Variants in TCF4 observed in about 807,000 individuals in gnomAD.
TCF4 encodes SL3-3 enhancer factor 2.
A neutral mutation model predicts 82.1 loss-of-function variants in TCF4; 3 were observed. That is an observed-to-expected ratio of 0.04 (90% CI 0.02 to 0.09). The LOEUF is 0.09. TCF4 is among the 10% of genes least tolerant of loss of function. The probability of loss-of-function intolerance (pLI) is 1.00; values close to 1 mark genes in which losing one functional copy is unlikely to be tolerated. For missense variants in TCF4, 518 were observed against 852.7 expected (o/e 0.61, Z 4.89); for synonymous variants, 276 against 309.6 (o/e 0.89, Z 1.14).
intron 8 of TCF4, among the ~76,000 whole-genome samples, chr18:55,319,248 G>A (rs574956374): frequency 6.6e-6 from 1 of 152,074 alleles, no homozygotes; most frequent in African/African-American, 2.4e-5. Flanking sequence ...AACAATTAAC[G>A]CATGGTATAT....
At chr18:55,257,800 C>T (rs1873566429) in intron 13 of TCF4, among the ~76,000 whole-genome samples, 3 of 152,100 alleles carry the variant, frequency 2.0e-5, no homozygotes, top group South Asian at 2.1e-4. Context: ...ACAGCTTTGC[C>T]ACTTGTTTTT....
chr18:55,495,544 T>C (rs1473304443), intron 3 of TCF4: 1 of 152,150 alleles, frequency 6.6e-6, no homozygotes, highest in African/African-American at 2.4e-5. Flanking sequence ...AGTTTAGTTA[T>C]TAAAAGAAAA....
chr18:55,506,908 G>C (rs528335525), intron 3 of TCF4, among the ~76,000 whole-genome samples: 1 of 150,776 alleles, frequency 6.6e-6, no homozygotes, highest in Non-Finnish European at 1.5e-5. Flanking sequence ...TGTCACTGAG[G>C]CTGGAGTGCA....
At chr18:55,456,180 C>T (rs2095749686) in intron 5 of TCF4, among the ~76,000 whole-genome samples, 1 of 152,174 alleles carries the variant, frequency 6.6e-6, no homozygotes, top group Non-Finnish European at 1.5e-5. Flanking sequence ...CCACAGTAAC[C>T]AAATCAAAAT....
rs1365949551 is a variant in TCF4, at chr18:55,621,988, CTATA to C, written c.286+9306_286+9309del. On this transcript the variant is annotated intron_variant, in intron 2 of 20. Transcript: ENST00000398339. ...CTATATATTATATATTATATATACA[CTATA>C]TATTATATATACACTATATATATTA... is the stretch of plus-strand genomic sequence containing the variant. Among the ~76,000 whole-genome samples the C allele has an allele frequency of 6.4e-4, 80 of 124,992 alleles. 4 individuals carry two copies. Among genetic ancestry groups the C allele is most frequent in the Non-Finnish European group, 3.0e-4 (19 of 63,706 alleles). The allele number at this position is 124,992 out of a possible 152,430, so 82.0% of individuals were successfully genotyped here.
chr18:55,496,115 C>G (rs933033834), intron 3 of TCF4: 22 of 152,090 alleles, frequency 1.4e-4, no homozygotes, highest in African/African-American at 5.1e-4. Flanking sequence ...AAAGTGGGAG[C>G]AACAAAACTA....
intron 3 of TCF4, among the ~76,000 whole-genome samples, chr18:55,537,663 T>C (rs976955549): frequency 2.0e-5 from 3 of 152,194 alleles, no homozygotes; most frequent in African/African-American, 4.8e-5. Context: ...AAAATGTGTG[T>C]GTACGTGTGT....
At chr18:55,522,030 C>T (rs1486974884) in intron 3 of TCF4, among the ~76,000 whole-genome samples, 3 of 152,058 alleles carry the variant, frequency 2.0e-5, no homozygotes, top group East Asian at 1.9e-4. Flanking sequence ...CTCAGAGAGA[C>T]GTGATGAGGA....
At chr18:55,247,735 A>C (rs2053732280) in intron 15 of TCF4, among the ~76,000 whole-genome samples, 1 of 152,196 alleles carries the variant, frequency 6.6e-6, no homozygotes, top group Admixed American at 6.5e-5. Context: ...ACTTTTTTTC[A>C]GGTTAAATAT....
chr18:55,604,028 G>A (rs990149502), intron 2 of TCF4, among the ~76,000 whole-genome samples: 7 of 152,182 alleles, frequency 4.6e-5, no homozygotes, highest in African/African-American at 7.2e-5. Flanking sequence ...GATTCCTTGC[G>A]CCATTCTTCC....
chr18:55,401,684 C>T (rs951846117), intron 6 of TCF4: 75 of 986,484 alleles, frequency 7.6e-5, no homozygotes, highest in Non-Finnish European at 8.7e-5. Flanking sequence ...CACAGACAGA[C>T]TCACACGGTC....
intron 1 of TCF4, among the ~76,000 whole-genome samples, chr18:55,632,010 T>G (rs942202200): frequency 7.2e-5 from 11 of 152,182 alleles, no homozygotes; most frequent in Non-Finnish European, 1.6e-4. Flanking sequence ...TTGCCCTGAT[T>G]AACAGTTCTT....
chr18:55,503,961 C>T (rs2096726925), intron 3 of TCF4, among the ~76,000 whole-genome samples: 1 of 152,130 alleles, frequency 6.6e-6, no homozygotes. Context: ...TGTAGTCCCG[C>T]TACTGAGGAG....
intron 3 of TCF4, among the ~76,000 whole-genome samples, chr18:55,494,306 AAAG>A (rs1009909644): frequency 1.3e-5 from 2 of 152,000 alleles, no homozygotes; most frequent in Non-Finnish European, 2.9e-5. Context: ...AAAAAAAAAA[AAAG>A]AAATGAAAAA....
At chr18:55,374,653 C>A (rs375478033) in intron 6 of TCF4, among the ~76,000 whole-genome samples, 39 of 152,034 alleles carry the variant, frequency 2.6e-4, no homozygotes, top group African/African-American at 9.4e-4. Flanking sequence ...GTAATCCCAG[C>A]AGTTTGGGAG....
chr18:55,615,510 C>A (rs781210225), intron 2 of TCF4, among the ~76,000 whole-genome samples: 10 of 151,920 alleles, frequency 6.6e-5, no homozygotes, highest in Non-Finnish European at 1.2e-4. Context: ...AATCTTGATG[C>A]CTTTTATTCC....
chr18:55,375,878 T>A (rs1479946804), intron 6 of TCF4, among the ~76,000 whole-genome samples: 2 of 151,968 alleles, frequency 1.3e-5, no homozygotes, highest in African/African-American at 4.8e-5. Flanking sequence ...GAGAGGGAAA[T>A]TCTCCTAAGT....
At chr18:55,440,638 T>G (rs1225596319) in intron 5 of TCF4, among the ~76,000 whole-genome samples, 1 of 152,228 alleles carries the variant, frequency 6.6e-6, no homozygotes, top group African/African-American at 2.4e-5. Flanking sequence ...TCATTATTAT[T>G]TATCATGATC....
At chr18:55,302,507 G>C (rs1335628275) in intron 8 of TCF4, 8 of 1,535,884 alleles carry the variant, frequency 5.2e-6, no homozygotes. Flanking sequence ...TTTGCTGATT[G>C]GTCAGACATG....
Sources: gnomAD v4.1 joint callset for allele counts (sites outside exome capture counted in the v4.1 genomes callset) on GRCh38, gnomAD v4.1.1 for gene constraint, MANE v1.5 for transcripts, NCBI Gene and HGNC (gene_info 2026-07-23, HGNC 2026-07-21) for gene names.